Variants in KCNIP1 observed in about 807,000 individuals in gnomAD.
KCNIP1 encodes potassium voltage-gated channel interacting protein 1, also known as A-type potassium channel modulatory protein KCNIP1.
In KCNIP1, 18 loss-of-function variants were observed where a neutral mutation model predicts 33.0. The observed-to-expected ratio is 0.55, with a 90% CI of 0.38 to 0.81. The LOEUF (loss-of-function observed/expected upper bound fraction) is 0.81, where lower values mean the gene tolerates loss of function less well. Among genes scored for constraint, KCNIP1 ranks in the 30% least tolerant of loss-of-function variants. The probability of loss-of-function intolerance (pLI) is 0.00; values close to 1 mark genes in which losing one functional copy is unlikely to be tolerated. For synonymous variants in KCNIP1, 93 were observed against 98.3 expected (o/e 0.95, Z 0.32); for missense variants, 238 against 271.6 (o/e 0.88, Z 0.87).
At chr5:170,511,132 C>G (rs538889927) in intron 1 of KCNIP1, among the ~76,000 whole-genome samples, 1 of 152,154 alleles carries the variant, frequency 6.6e-6, no homozygotes, top group Non-Finnish European at 1.5e-5. Flanking sequence ...TCGCTTGAAC[C>G]GAGGAGACGG....
intron 5 of KCNIP1, among the ~76,000 whole-genome samples, chr5:170,725,526 T>C (rs578127476): frequency 6.6e-6 from 1 of 152,058 alleles, no homozygotes; most frequent in African/African-American, 2.4e-5. Context: ...GGAAGGATAG[T>C]AGGGGGGCTG....
intron 1 of KCNIP1, among the ~76,000 whole-genome samples, chr5:170,488,153 C>T (rs553401960): frequency 6.6e-6 from 1 of 152,322 alleles, no homozygotes; most frequent in Non-Finnish European, 1.5e-5. Context: ...CTCTTTCTCA[C>T]CAAACCAGCA....
chr5:170,362,154 G>A (rs987056484), intron 1 of KCNIP1, among the ~76,000 whole-genome samples: 2 of 152,130 alleles, frequency 1.3e-5, no homozygotes, highest in Admixed American at 6.5e-5. Flanking sequence ...GAGGTGGAGT[G>A]CTCTAATTAA....
At chr5:170,397,263 G>A (rs1025532148) in intron 1 of KCNIP1, among the ~76,000 whole-genome samples, 11 of 152,154 alleles carry the variant, frequency 7.2e-5, no homozygotes, top group South Asian at 6.2e-4. Context: ...TATTTTTGGC[G>A]TACAGACCCT....
intron 4 of KCNIP1, 103 bp from the exon 5 acceptor site, chr5:170,722,610 G>A: frequency 5.0e-6 from 4 of 793,718 alleles, no homozygotes; most frequent in South Asian, 4.4e-5. Flanking sequence ...GAGGACGCAG[G>A]AGGCACCATT....
intron 1 of KCNIP1, among the ~76,000 whole-genome samples, chr5:170,471,692 G>C (rs139235262): frequency 6.6e-6 from 1 of 152,172 alleles, no homozygotes; most frequent in Non-Finnish European, 1.5e-5. Context: ...GCTGCTCAGG[G>C]CTCCTGAGCC....
chr5:170,399,508 C>T (rs1424267314), intron 1 of KCNIP1, among the ~76,000 whole-genome samples: 1 of 151,950 alleles, frequency 6.6e-6, no homozygotes, highest in Non-Finnish European at 1.5e-5. Flanking sequence ...TCATAGAGAA[C>T]TTGATAATAC....
chr5:170,613,502 G>T (rs997856114), intron 1 of KCNIP1, among the ~76,000 whole-genome samples: 2 of 152,088 alleles, frequency 1.3e-5, no homozygotes, highest in African/African-American at 4.8e-5. Flanking sequence ...AAATAATAAA[G>T]TGATATGTCC....
At chr5:170,386,756 C>G (rs1171014765) in intron 1 of KCNIP1, among the ~76,000 whole-genome samples, 1 of 151,964 alleles carries the variant, frequency 6.6e-6, no homozygotes, top group African/African-American at 2.4e-5. Flanking sequence ...TCATGGTGGC[C>G]TCAGCGACTG....
At chr5:170,390,485 A>T (rs2057070456) in intron 1 of KCNIP1, among the ~76,000 whole-genome samples, 1 of 142,512 alleles carries the variant, frequency 7.0e-6, no homozygotes, top group Admixed American at 7.3e-5. Flanking sequence ...TAGCCTGAAC[A>T]GAGCGAGACC....
At chr5:170,730,435 T>C (rs555740269) in intron 5 of KCNIP1, among the ~76,000 whole-genome samples, 37 of 152,286 alleles carry the variant, frequency 2.4e-4, no homozygotes, top group African/African-American at 8.7e-4. Flanking sequence ...TCAGAAAAGA[T>C]AGCAGGATCT....
chr5:170,700,887 C>A (rs1276951203), intron 1 of KCNIP1, among the ~76,000 whole-genome samples: 1 of 152,196 alleles, frequency 6.6e-6, no homozygotes. Flanking sequence ...TGGTGACAAG[C>A]ACAAATGACC....
intron 1 of KCNIP1, among the ~76,000 whole-genome samples, chr5:170,443,109 A>G (rs900261157): frequency 2.6e-5 from 4 of 152,174 alleles, no homozygotes; most frequent in African/African-American, 9.7e-5. Context: ...GGTCTAAAGC[A>G]GGGGTTCCAT....
chr5:170,467,452 T>A (rs1756631421), intron 1 of KCNIP1, among the ~76,000 whole-genome samples: 1 of 151,516 alleles, frequency 6.6e-6, no homozygotes, highest in African/African-American at 2.4e-5. Flanking sequence ...TTGGCCTGAG[T>A]GGGGAGGAGG....
intron 1 of KCNIP1, among the ~76,000 whole-genome samples, chr5:170,611,433 G>A (rs1421607987): frequency 6.6e-6 from 1 of 152,250 alleles, no homozygotes; most frequent in African/African-American, 2.4e-5. Context: ...ACGAAGTGCA[G>A]CCAAGGTCCA....
chr5:170,424,582 C>A (rs1306154060), intron 1 of KCNIP1, among the ~76,000 whole-genome samples: 3 of 152,100 alleles, frequency 2.0e-5, no homozygotes, highest in Non-Finnish European at 2.9e-5. Flanking sequence ...AGGGGTGGGG[C>A]AGGGTAGATA....
intron 1 of KCNIP1, among the ~76,000 whole-genome samples, chr5:170,506,903 G>A (rs1258623599): frequency 6.6e-6 from 1 of 152,346 alleles, no homozygotes; most frequent in South Asian, 2.1e-4. Flanking sequence ...TTGCATAGTG[G>A]AATGCTAATC....
chr5:170,457,370 A>C (rs1206937544), intron 1 of KCNIP1, among the ~76,000 whole-genome samples: 1 of 152,268 alleles, frequency 6.6e-6, no homozygotes, highest in Non-Finnish European at 1.5e-5. Flanking sequence ...CTGGAGGGGC[A>C]TAACGACTGC....
At chr5:170,461,871 C>A (rs1257820838) in intron 1 of KCNIP1, among the ~76,000 whole-genome samples, 3 of 152,090 alleles carry the variant, frequency 2.0e-5, no homozygotes, top group Non-Finnish European at 4.4e-5. Flanking sequence ...GGAAAGGACA[C>A]CTCATTCAAG....
Sources: allele counts gnomAD v4.1 joint callset (sites outside exome capture counted in the v4.1 genomes callset), GRCh38; gene constraint gnomAD v4.1.1; transcripts MANE v1.5; gene names NCBI Gene and HGNC (gene_info 2026-07-23, HGNC 2026-07-21).